Variants in TCF4 observed in about 807,000 individuals in gnomAD.
TCF4 encodes the protein SL3-3 enhancer factor 2.
TCF4 carries 3 observed loss-of-function variants against 82.1 expected under a neutral mutation model. That is an observed-to-expected ratio of 0.04 (90% CI 0.02 to 0.09). TCF4 has a LOEUF of 0.09. TCF4 is among the 10% of genes least tolerant of loss of function. The probability of loss-of-function intolerance (pLI) is 1.00; values close to 1 mark genes in which losing one functional copy is unlikely to be tolerated. For synonymous variants in TCF4, 276 were observed against 309.6 expected (o/e 0.89, Z 1.14); for missense variants, 518 against 852.7 (o/e 0.61, Z 4.89).
intron 10 of TCF4, among the ~76,000 whole-genome samples, chr18:55,273,352 G>A (rs183418783): frequency 6.6e-6 from 1 of 152,162 alleles, no homozygotes; most frequent in East Asian, 1.9e-4. Flanking sequence ...AATAATCCAG[G>A]AACAGCGCTT....
intron 2 of TCF4, among the ~76,000 whole-genome samples, chr18:55,594,940 C>T (rs2097689361): frequency 1.3e-5 from 2 of 152,162 alleles, no homozygotes. Context: ...TTTAAACTTG[C>T]AGCATACACA....
chr18:55,541,351 G>C (rs968142168), intron 3 of TCF4, among the ~76,000 whole-genome samples: 5 of 151,858 alleles, frequency 3.3e-5, no homozygotes, highest in Non-Finnish European at 7.4e-5. Context: ...ATCTCATTTT[G>C]ATGAGGTACA....
chr18:55,488,284 T>C (rs1018270214), intron 3 of TCF4, among the ~76,000 whole-genome samples: 1 of 152,216 alleles, frequency 6.6e-6, no homozygotes, highest in African/African-American at 2.4e-5. Flanking sequence ...TCAAGCATTT[T>C]TCAAAAATTC....
intron 8 of TCF4, chr18:55,320,800 C>T (rs2075300175): frequency 6.6e-6 from 1 of 152,518 alleles, no homozygotes; most frequent in Non-Finnish European, 1.5e-5. Flanking sequence ...TCCTCTATCA[C>T]CCAACAACTC....
intron 8 of TCF4, among the ~76,000 whole-genome samples, chr18:55,318,178 T>G (rs576737327): frequency 3.9e-5 from 6 of 152,130 alleles, no homozygotes; most frequent in Admixed American, 3.3e-4. Flanking sequence ...TTCGTGGATA[T>G]GCTATAATAT....
At chr18:55,364,414 T>A (rs575599989) in intron 6 of TCF4, among the ~76,000 whole-genome samples, 14 of 152,226 alleles carry the variant, frequency 9.2e-5, no homozygotes, top group Non-Finnish European at 2.1e-4. Flanking sequence ...CTAAAAAGTA[T>A]CTTCAAGTTT....
chr18:55,504,419 C>T (rs2096732340), intron 3 of TCF4, among the ~76,000 whole-genome samples: 1 of 152,184 alleles, frequency 6.6e-6, no homozygotes, highest in African/African-American at 2.4e-5. Flanking sequence ...AGAAATCCTA[C>T]TAATATTTGA....
intron 3 of TCF4, among the ~76,000 whole-genome samples, chr18:55,569,911 T>C (rs2097445914): frequency 6.6e-6 from 1 of 152,154 alleles, no homozygotes; most frequent in Admixed American, 6.5e-5. Flanking sequence ...AATTTTAAAT[T>C]CACGTAGAAG....
At chr18:55,272,496 A>G (rs1000119117) in intron 10 of TCF4, among the ~76,000 whole-genome samples, 10 of 152,094 alleles carry the variant, frequency 6.6e-5, no homozygotes, top group Admixed American at 5.3e-4. Context: ...GTTCATTTTA[A>G]CTTATGATGC....
intron 5 of TCF4, among the ~76,000 whole-genome samples, chr18:55,425,516 G>GA (rs370693034): frequency 0.54 from 78,292 of 145,144 alleles, 23,631 homozygotes; most frequent in Non-Finnish European, 0.68. Context: ...TGAAGTCAAG[G>GA]AAAAAAAAAA....
chr18:55,488,525 T>C (rs907582228), intron 3 of TCF4, among the ~76,000 whole-genome samples: 1 of 152,016 alleles, frequency 6.6e-6, no homozygotes, highest in Non-Finnish European at 1.5e-5. Context: ...GGATAAAAAT[T>C]GAAAGGTGCT....
rs2046088648 is a variant in TCF4 at position 55,223,142 on chromosome 18, A to C, written c.*4893T>G. The C allele has an allele frequency of 6.6e-6, 1 of 152,210 alleles. No homozygotes were observed. The highest frequency in any genetic ancestry group is 2.4e-5 in the African/African-American group (1 of 41,454). The allele number at this position is 152,210 out of a possible 1,614,324, so 9.4% of individuals were successfully genotyped here. ...AACCGAAAACACTGGTGCAGTTCAG[A>C]GCTCTTCAAATGCATAGCTTCAGTG... On this transcript the variant is annotated 3_prime_UTR_variant, in exon 20 of 20. Coordinates refer to ENST00000354452, the MANE Select transcript of TCF4 (RefSeq NM_001083962.2).
At chr18:55,351,713 G>A in intron 6 of TCF4, 1 of 420,592 alleles carries the variant, frequency 2.4e-6, no homozygotes, top group Non-Finnish European at 3.2e-6. Flanking sequence ...ATCACAGTGT[G>A]ACAATTATTA....
At chr18:55,586,186 CAGCAGCAGCAGCAGCAG>C in intron 2 of TCF4, 2 of 614,294 alleles carry the variant, frequency 3.3e-6, no homozygotes, top group South Asian at 2.8e-5. Context: ...GCAGCAGCAG[CAGCAGCAGCAGCAGCAG>C]CAGCAGCAGC....
At chr18:55,264,020 A>C (rs551816453) in intron 11 of TCF4, among the ~76,000 whole-genome samples, 40 of 152,202 alleles carry the variant, frequency 2.6e-4, no homozygotes, top group Middle Eastern at 3.4e-3. Flanking sequence ...TATTTTTATG[A>C]AACTAAACAA....
At chr18:55,272,925 T>C (rs1331636610) in intron 10 of TCF4, among the ~76,000 whole-genome samples, 1 of 152,114 alleles carries the variant, frequency 6.6e-6, no homozygotes, top group Non-Finnish European at 1.5e-5. Flanking sequence ...TAAAGGAAAA[T>C]TCCAGACTCC....
intron 5 of TCF4, among the ~76,000 whole-genome samples, chr18:55,424,442 A>G (rs879827856): frequency 2.6e-5 from 4 of 152,250 alleles, no homozygotes; most frequent in Non-Finnish European, 4.4e-5. Flanking sequence ...ACACCAACTT[A>G]AACACAAAGT....
In TCF4 at chr18:55,361,964, C is replaced by G. The variant is rs574102030; in HGVS notation, c.370-10961G>C. The stretch of plus-strand genomic sequence containing the variant: ...AAAATATTCGAAGATGCATGAATAA[C>G]CAAACTGTGTGAATTCCACTGATCT... On this transcript the variant is annotated intron_variant, in intron 6 of 19. Coordinates refer to ENST00000354452, the MANE Select transcript of TCF4 (RefSeq NM_001083962.2). 5.9e-5 allele frequency among the ~76,000 whole-genome samples: 9 copies of G among 152,274 alleles called. No individual in the cohort carries two copies. The South Asian group carries it at 1.7e-3, about 28-fold the overall frequency.
Position 55,362,436 on chromosome 18 carries a change from A to AGG in TCF4, c.370-11434_370-11433insCC, listed in dbSNP as rs1482551366. On this transcript the variant is annotated intron_variant, in intron 6 of 19. Coordinates refer to ENST00000354452, the MANE Select transcript of TCF4 (RefSeq NM_001083962.2). ...AAGGAAGGAAGGAAGGAAGGAAGGAAAAAAAAAAAGAAGAAAACATGTATC... is the reference window on the plus strand; with the variant it reads ...AAGGAAGGAAGGAAGGAAGGAAGGAAGGAAAAAAAAAGAAGAAAACATGTATC... Among the ~76,000 whole-genome samples the AGG allele has an allele frequency of 7.7e-3, 1,012 of 130,606 alleles. 18 individuals are homozygous for AGG. Among genetic ancestry groups the AGG allele is most frequent in the African/African-American group, 0.022 (763 of 34,052 alleles). The allele number at this position is 130,606 out of a possible 152,430, so 85.7% of individuals were successfully genotyped here. A position where few individuals can be genotyped will look rare whatever the true frequency, so the allele number is the denominator to read the frequency against.
Sources: gnomAD v4.1 joint callset for allele counts (sites outside exome capture counted in the v4.1 genomes callset) on GRCh38, gnomAD v4.1.1 for gene constraint, MANE v1.5 for transcripts, NCBI Gene and HGNC (gene_info 2026-07-23, HGNC 2026-07-21) for gene names.